SLC37A3: variants seen among roughly 807,000 people sequenced by gnomAD.
The protein encoded by SLC37A3 is sugar phosphate exchanger 3.
A neutral mutation model predicts 67.1 loss-of-function variants in SLC37A3; 51 were observed. That is an observed-to-expected ratio of 0.76 (90% CI 0.61 to 0.96). The LOEUF is 0.96. Ranked by LOEUF, SLC37A3 falls within the 40% of genes least tolerant of loss-of-function variation. The pLI is 0.00. For synonymous variants in SLC37A3, 214 were observed against 231.4 expected (o/e 0.92, Z 0.68); for missense variants, 508 against 603.0 (o/e 0.84, Z 1.65).
At chr7:140,353,428 G>A (rs777212252) in intron 7 of SLC37A3, among the ~76,000 whole-genome samples, 52 of 151,360 alleles carry the variant, frequency 3.4e-4, no homozygotes, top group Non-Finnish European at 6.3e-4. Flanking sequence ...GGTGAGCTGA[G>A]ATCACGCCAT....
chr7:140,366,000 T>G (rs1156845898), intron 4 of SLC37A3, among the ~76,000 whole-genome samples: 3 of 135,766 alleles, frequency 2.2e-5, no homozygotes, highest in Non-Finnish European at 4.6e-5. Flanking sequence ...TGCAATGATG[T>G]GATCTTGGCT....
chr7:140,349,829 G>A (rs951279461), intron 9 of SLC37A3, among the ~76,000 whole-genome samples: 4 of 152,146 alleles, frequency 2.6e-5, no homozygotes, highest in Non-Finnish European at 5.9e-5. Flanking sequence ...ATTTAGTCAC[G>A]ACAAAGTTCT....
intron 1 of SLC37A3, among the ~76,000 whole-genome samples, chr7:140,385,783 TTTTA>T (rs1798424696): frequency 2.0e-5 from 3 of 152,274 alleles, no homozygotes; most frequent in South Asian, 2.1e-4. Context: ...TTCTTCTTTC[TTTTA>T]TTTATTTATT....
rs1196785321 is a variant in SLC37A3, at chr7:140,335,625, G to A, written c.1393-121C>T. 3 of 1,200,816 alleles carry A rather than the reference G, an allele frequency of 2.5e-6. No homozygotes were observed. The East Asian group carries it at 7.3e-5, about 29-fold the overall frequency. The allele number at this position is 1,200,816 out of a possible 1,614,324, so 74.4% of individuals were successfully genotyped here. A position where few individuals can be genotyped will look rare whatever the true frequency, so the allele number is the denominator to read the frequency against. ...CATTTTGACTTCATACAAAGATAAT[G>A]TTTAATCTTCAATGAATTAGAAAAT... On this transcript the variant is annotated intron_variant, in intron 14 of 14. Coordinates refer to ENST00000326232, the MANE Select transcript of SLC37A3 (RefSeq NM_207113.3).
intron 5 of SLC37A3, among the ~76,000 whole-genome samples, chr7:140,364,168 T>C (rs1797501728): frequency 6.6e-6 from 1 of 151,306 alleles, no homozygotes; most frequent in Middle Eastern, 3.4e-3. Context: ...GCAGAATCGC[T>C]TGAACATGGG....
chr7:140,362,348 G>T (rs1202695805), intron 5 of SLC37A3, among the ~76,000 whole-genome samples: 93 of 143,728 alleles, frequency 6.5e-4, no homozygotes, highest in Non-Finnish European at 1.2e-3. Flanking sequence ...GAGCCCCTCC[G>T]TCCGGCAGCC....
At chr7:140,362,160 GC>G (rs1352069862) in intron 5 of SLC37A3, among the ~76,000 whole-genome samples, 8 of 140,232 alleles carry the variant, frequency 5.7e-5, no homozygotes, top group Admixed American at 5.5e-4. Context: ...CCTCTTCCCC[GC>G]CGCCCATTGT....
intron 4 of SLC37A3, among the ~76,000 whole-genome samples, chr7:140,367,980 A>G (rs562567522): frequency 6.6e-6 from 1 of 151,818 alleles, no homozygotes; most frequent in Non-Finnish European, 1.5e-5. Flanking sequence ...CATCTGGCTA[A>G]TTTTTGTATT....
chr7:140,354,413 A>T (rs1796937254), intron 7 of SLC37A3, among the ~76,000 whole-genome samples: 1 of 151,998 alleles, frequency 6.6e-6, no homozygotes, highest in African/African-American at 2.4e-5. Context: ...TAGTCTAATA[A>T]GTATACAGTA....
chr7:140,392,078 G>A (rs1435658481), intron 1 of SLC37A3, among the ~76,000 whole-genome samples: 6 of 151,940 alleles, frequency 3.9e-5, no homozygotes, highest in Non-Finnish European at 7.4e-5. Context: ...TGGCCTGTAT[G>A]GGGAACTCTC....
intron 12 of SLC37A3, among the ~76,000 whole-genome samples, chr7:140,344,422 C>G (rs1796474144): frequency 6.6e-6 from 1 of 151,826 alleles, no homozygotes; most frequent in African/African-American, 2.4e-5. Context: ...GAGCGAGACT[C>G]CTTCTCAAAA....
At chr7:140,362,888 T>G (rs1585308834) in intron 5 of SLC37A3, among the ~76,000 whole-genome samples, 1 of 40,562 alleles carries the variant, frequency 2.5e-5, no homozygotes. Flanking sequence ...AGCCGCCCCG[T>G]CCGGGAGGGA....
At chr7:140,397,071 G>C (rs1798962297) in intron 1 of SLC37A3, among the ~76,000 whole-genome samples, 1 of 149,862 alleles carries the variant, frequency 6.7e-6, no homozygotes, top group Admixed American at 6.6e-5. Flanking sequence ...GTGGTGGCGG[G>C]CGCCTGTAGT....
intron 1 of SLC37A3, among the ~76,000 whole-genome samples, chr7:140,385,559 A>C (rs1798417056): frequency 6.6e-6 from 1 of 152,200 alleles, no homozygotes; most frequent in African/African-American, 2.4e-5. Context: ...TAAAATCATA[A>C]TTCCAAAAAT....
chr7:140,372,930 A>T (rs1218771159), intron 3 of SLC37A3, among the ~76,000 whole-genome samples: 1 of 151,860 alleles, frequency 6.6e-6, no homozygotes, highest in Non-Finnish European at 1.5e-5. Flanking sequence ...TAATTTTATA[A>T]ACTGTAGGCC....
At chr7:140,354,386 T>C (rs1796936220) in intron 7 of SLC37A3, among the ~76,000 whole-genome samples, 1 of 152,186 alleles carries the variant, frequency 6.6e-6, no homozygotes, top group Admixed American at 6.6e-5. Context: ...CAACATGTTT[T>C]CAAACTTTTG....
At chr7:140,396,745 T>A (rs1484868653) in intron 1 of SLC37A3, among the ~76,000 whole-genome samples, 3 of 152,150 alleles carry the variant, frequency 2.0e-5, no homozygotes, top group African/African-American at 7.2e-5. Context: ...TTTATAAAAG[T>A]ATTGTTTCCG....
At chr7:140,359,394 C>T (rs577187245) in intron 5 of SLC37A3, among the ~76,000 whole-genome samples, 89 of 152,024 alleles carry the variant, frequency 5.9e-4, no homozygotes, top group African/African-American at 2.1e-3. Context: ...TCCATCTCCT[C>T]ACCCTCAGAC....
chr7:140,340,212 T>A (rs1471374804), intron 13 of SLC37A3, among the ~76,000 whole-genome samples: 1 of 152,174 alleles, frequency 6.6e-6, no homozygotes, highest in African/African-American at 2.4e-5. Flanking sequence ...AGTTTCATAA[T>A]TTTAAGTTCT....
Sources: gnomAD v4.1 joint callset for allele counts (sites outside exome capture counted in the v4.1 genomes callset) on GRCh38, gnomAD v4.1.1 for gene constraint, MANE v1.5 for transcripts, NCBI Gene and HGNC (gene_info 2026-07-23, HGNC 2026-07-21) for gene names.